PRIM2: variants seen among roughly 807,000 people sequenced by gnomAD.
PRIM2 encodes DNA primase subunit 2, also known as DNA primase large subunit.
Under a neutral mutation model 67.3 loss-of-function variants are expected in PRIM2, and 39 were observed. The ratio of observed to expected loss-of-function variants is 0.58; its 90% confidence interval spans 0.45 to 0.76. The LOEUF (loss-of-function observed/expected upper bound fraction) is 0.76, where lower values mean the gene tolerates loss of function less well. Among genes scored for constraint, PRIM2 ranks in the 30% least tolerant of loss-of-function variants. The pLI is 0.00. For missense variants in PRIM2, 398 were observed against 598.7 expected, an observed-to-expected ratio of 0.66 and a Z score of 3.50; for synonymous variants, 143 against 198.7, an observed-to-expected ratio of 0.72 and a Z score of 2.36.
At chr6:57,396,464 T>G (rs529174231) in intron 7 of PRIM2, among the ~76,000 whole-genome samples, 4 of 152,340 alleles carry the variant, frequency 2.6e-5, no homozygotes, top group Non-Finnish European at 1.5e-5. Context: ...GATACAAGAA[T>G]AGCTACCCCT....
intron 10 of PRIM2, among the ~76,000 whole-genome samples, chr6:57,557,272 G>A (rs1283726658): frequency 6.8e-6 from 1 of 147,142 alleles, no homozygotes; most frequent in Non-Finnish European, 1.5e-5. Context: ...CTATTACCGA[G>A]TATAAGAGGA....
intron 7 of PRIM2, among the ~76,000 whole-genome samples, chr6:57,387,693 A>G (rs1399097264): frequency 2.6e-5 from 4 of 152,040 alleles, no homozygotes; most frequent in African/African-American, 9.7e-5. Flanking sequence ...AGTTAGGGAA[A>G]AGAATGAGGG....
chr6:57,401,173 C>G (rs1295421579), intron 7 of PRIM2, among the ~76,000 whole-genome samples: 1 of 152,308 alleles, frequency 6.6e-6, no homozygotes, highest in East Asian at 1.9e-4. Flanking sequence ...ATGCGTCACT[C>G]TGGTCATTTG....
chr6:57,418,388 T>TTTTTTTTG (rs1771348056), intron 7 of PRIM2, among the ~76,000 whole-genome samples: 1 of 70,910 alleles, frequency 1.4e-5, no homozygotes, highest in East Asian at 5.3e-4. Context: ...GTGTGGTTTT[T>TTTTTTTTG]TTTTTTTTTT....
chr6:57,382,840 C>A (rs931717421), intron 7 of PRIM2: 1 of 152,138 alleles, frequency 6.6e-6, no homozygotes, highest in African/African-American at 2.4e-5. Context: ...AGGTTTGTGA[C>A]ATGGCTGTTT....
chr6:57,430,856 C>T lies in PRIM2; in HGVS notation c.693+48688C>T, dbSNP rs1771805068. The stretch of plus-strand genomic sequence containing the variant: ...TCTCTTAATGTAGGTTTTGTAGATT[C>T]TTTGGATAATTTTTAAGTGTATCCT... On this transcript the variant is annotated intron_variant, in intron 7 of 13. Transcript: ENST00000615550. Among the ~76,000 whole-genome samples, 2 of 152,140 alleles carry T rather than the reference C, an allele frequency of 1.3e-5. 1 individual carries two copies. The highest frequency in any genetic ancestry group is 1.3e-4 in the Admixed American group (2 of 15,276).
intron 7 of PRIM2, among the ~76,000 whole-genome samples, chr6:57,399,399 C>T (rs1770630473): frequency 6.6e-6 from 1 of 152,178 alleles, no homozygotes; most frequent in Non-Finnish European, 1.5e-5. Context: ...CAAAGTATTC[C>T]ATGGTGTACA....
intron 12 of PRIM2, among the ~76,000 whole-genome samples, chr6:57,618,480 G>C (rs1776791785): frequency 6.6e-6 from 1 of 152,204 alleles, no homozygotes; most frequent in Admixed American, 6.5e-5. Context: ...GAAGCGGACT[G>C]CTCCTGCAGG....
At chr6:57,474,387 G>A (rs1773422344) in intron 7 of PRIM2, among the ~76,000 whole-genome samples, 1 of 151,806 alleles carries the variant, frequency 6.6e-6, no homozygotes, top group Non-Finnish European at 1.5e-5. Flanking sequence ...TGTTAGCCAG[G>A]ATGGTCTCTA....
At chr6:57,455,172 C>A (rs1772720376) in intron 7 of PRIM2, among the ~76,000 whole-genome samples, 1 of 152,092 alleles carries the variant, frequency 6.6e-6, no homozygotes, top group African/African-American at 2.4e-5. Context: ...AATTTCTGTT[C>A]TTTTACATTT....
intron 7 of PRIM2, among the ~76,000 whole-genome samples, chr6:57,455,579 G>T (rs1021626764): frequency 6.6e-6 from 1 of 152,154 alleles, no homozygotes; most frequent in East Asian, 1.9e-4. Context: ...TTGGTTTAAA[G>T]TCTGTTTTAT....
At chr6:57,283,879 AT>A in the PRIM2 span, among the ~76,000 whole-genome samples, 154 of 151,774 alleles carry the variant, frequency 1.0e-3, no homozygotes, top group Middle Eastern at 6.8e-3. Flanking sequence ...TTTAATACTG[AT>A]TTTTTTTTAA....
At chr6:57,430,240 T>C (rs1224717832) in intron 7 of PRIM2, among the ~76,000 whole-genome samples, 1 of 152,094 alleles carries the variant, frequency 6.6e-6, no homozygotes, top group Non-Finnish European at 1.5e-5. Flanking sequence ...TGTATTTTGC[T>C]AGAGACTGTT....
At chr6:57,562,792 C>G (rs1775663267) in intron 10 of PRIM2, among the ~76,000 whole-genome samples, 1 of 152,200 alleles carries the variant, frequency 6.6e-6, no homozygotes, top group South Asian at 2.1e-4. Context: ...ACTCCTTTCT[C>G]TCATACCGAT....
At chr6:57,411,598 A>G (rs546085571) in intron 7 of PRIM2, among the ~76,000 whole-genome samples, 4 of 151,702 alleles carry the variant, frequency 2.6e-5, no homozygotes, top group African/African-American at 9.7e-5. Context: ...TGGGTTGACA[A>G]TATTGTTTAA....
At chr6:57,422,276 C>A (rs2127372685) in intron 7 of PRIM2, among the ~76,000 whole-genome samples, 1 of 150,140 alleles carries the variant, frequency 6.7e-6, no homozygotes, top group South Asian at 2.1e-4. Flanking sequence ...ACCTCAGCCT[C>A]CCAAGTAGCT....
chr6:57,264,632 C>T, the PRIM2 span, among the ~76,000 whole-genome samples: 1 of 133,698 alleles, frequency 7.5e-6, no homozygotes, highest in Non-Finnish European at 1.5e-5. Context: ...GAGCCTCACT[C>T]TGTTGCCAGG....
chr6:57,508,885 AC>A (rs1434803570), intron 8 of PRIM2, among the ~76,000 whole-genome samples: 1 of 152,158 alleles, frequency 6.6e-6, no homozygotes, highest in Non-Finnish European at 1.5e-5. Flanking sequence ...TTTGTTACAT[AC>A]TTTTTTTCTA....
At chr6:57,495,706 C>T (rs1554346316) in intron 7 of PRIM2, among the ~76,000 whole-genome samples, 7 of 152,144 alleles carry the variant, frequency 4.6e-5, no homozygotes, top group African/African-American at 1.7e-4. Flanking sequence ...ATAATCTTGT[C>T]CACCTCCTAC....
Sources: gnomAD v4.1 joint callset for allele counts (sites outside exome capture counted in the v4.1 genomes callset) on GRCh38, gnomAD v4.1.1 for gene constraint, MANE v1.5 for transcripts, NCBI Gene and HGNC (gene_info 2026-07-23, HGNC 2026-07-21) for gene names.